CDK14: variants seen among roughly 807,000 people sequenced by gnomAD.
CDK14 encodes cyclin-dependent kinase 14.
Under a neutral mutation model 60.7 loss-of-function variants are expected in CDK14, and 34 were observed. The observed-to-expected ratio is 0.56, with a 90% CI of 0.43 to 0.75. The LOEUF is 0.75. CDK14 is among the 30% of genes least tolerant of loss of function. The probability of loss-of-function intolerance (pLI) is 0.00; values close to 1 mark genes in which losing one functional copy is unlikely to be tolerated. For synonymous variants in CDK14, 197 were observed against 203.7 expected (o/e 0.97, Z 0.28); for missense variants, 482 against 564.1 (o/e 0.85, Z 1.47).
intron 8 of CDK14, among the ~76,000 whole-genome samples, chr7:90,951,762 C>T (rs183018487): frequency 7.2e-4 from 110 of 152,276 alleles, no homozygotes; most frequent in African/African-American, 2.5e-3. Flanking sequence ...TAGTAAAGTG[C>T]ATTTGCTCCT....
intron 12 of CDK14, among the ~76,000 whole-genome samples, chr7:91,108,864 T>A (rs1799390176): frequency 6.6e-6 from 1 of 152,204 alleles, no homozygotes; most frequent in Non-Finnish European, 1.5e-5. Context: ...AGTCTTAAAG[T>A]TAATTTAATG....
chr7:91,117,999 TA>T (rs991987540), intron 13 of CDK14, 65 bp from the exon 14 acceptor site: 488 of 849,756 alleles, frequency 5.7e-4, no homozygotes, highest in South Asian at 1.7e-3. Context: ...TCCATTTTTT[TA>T]AAAAAAAAAC....
At chr7:90,639,597 G>T (rs972889341) in intron 2 of CDK14, among the ~76,000 whole-genome samples, 2 of 151,116 alleles carry the variant, frequency 1.3e-5, no homozygotes, top group Non-Finnish European at 2.9e-5. Flanking sequence ...CCCACTTGAG[G>T]AGGCAGTCTG....
At chr7:90,754,807 A>C (rs957575117) in intron 4 of CDK14, among the ~76,000 whole-genome samples, 1 of 152,142 alleles carries the variant, frequency 6.6e-6, no homozygotes, top group Non-Finnish European at 1.5e-5. Flanking sequence ...AGCAAAATAC[A>C]TGAACAGAAA....
intron 3 of CDK14, among the ~76,000 whole-genome samples, chr7:90,736,887 G>A (rs1273591607): frequency 1.3e-5 from 2 of 152,182 alleles, no homozygotes; most frequent in East Asian, 1.9e-4. Flanking sequence ...AAGGAACCAA[G>A]AATGCCTTGA....
intron 5 of CDK14, among the ~76,000 whole-genome samples, chr7:90,821,134 A>G (rs546539209): frequency 4.6e-5 from 7 of 152,208 alleles, no homozygotes; most frequent in African/African-American, 1.7e-4. Flanking sequence ...ATTCCTCTAC[A>G]TTCTGCTGCT....
intron 8 of CDK14, among the ~76,000 whole-genome samples, chr7:90,929,340 A>C (rs1275244269): frequency 6.6e-6 from 1 of 152,180 alleles, no homozygotes; most frequent in African/African-American, 2.4e-5. Context: ...GCCATCTTGG[A>C]ACCTCTGGAA....
At chr7:91,022,146 G>A (rs1233239281) in intron 10 of CDK14, among the ~76,000 whole-genome samples, 1 of 152,190 alleles carries the variant, frequency 6.6e-6, no homozygotes, top group East Asian at 1.9e-4. Context: ...CAGAGGCTGA[G>A]GGACTGTGTG....
intron 14 of CDK14, among the ~76,000 whole-genome samples, 177 bp downstream of exon 14, chr7:91,118,385 C>A (rs570865892): frequency 6.6e-6 from 1 of 152,166 alleles, no homozygotes. Context: ...TATTTTCAGG[C>A]ACCTACTAGA....
chr7:90,993,386 T>C (rs1795590966), intron 10 of CDK14, among the ~76,000 whole-genome samples: 1 of 151,962 alleles, frequency 6.6e-6, no homozygotes, highest in African/African-American at 2.4e-5. Flanking sequence ...TGAAAACCAG[T>C]ATATTTGTAA....
intron 2 of CDK14, among the ~76,000 whole-genome samples, chr7:90,676,945 A>AGT (rs1478989581): frequency 8.7e-6 from 1 of 114,622 alleles, no homozygotes; most frequent in African/African-American, 3.0e-5. Context: ...TTGTATATCA[A>AGT]GTTTTTTTTT....
chr7:91,122,031 C>T (rs150951860), intron 14 of CDK14, among the ~76,000 whole-genome samples: 1 of 152,136 alleles, frequency 6.6e-6, no homozygotes, highest in Non-Finnish European at 1.5e-5. Context: ...TAAGAAAGGT[C>T]TCTATTCTTT....
intron 14 of CDK14, among the ~76,000 whole-genome samples, chr7:91,145,385 T>C (rs1255655538): frequency 2.0e-5 from 3 of 152,190 alleles, no homozygotes; most frequent in African/African-American, 7.2e-5. Context: ...GCCTACAAGC[T>C]GTTCTATGCC....
At chr7:90,938,643 GA>G (rs1308079807) in intron 8 of CDK14, among the ~76,000 whole-genome samples, 1 of 152,136 alleles carries the variant, frequency 6.6e-6, no homozygotes. Context: ...GCTAATGTAA[GA>G]AAACTATTTT....
chr7:91,003,026 C>T, intron 10 of CDK14, among the ~76,000 whole-genome samples: 1 of 152,132 alleles, frequency 6.6e-6, no homozygotes, highest in South Asian at 2.1e-4. Flanking sequence ...GAGCCGAGAT[C>T]ACGCCACTGC....
At chr7:90,806,308 AT>A (rs1291239791) in intron 5 of CDK14, among the ~76,000 whole-genome samples, 1 of 152,204 alleles carries the variant, frequency 6.6e-6, no homozygotes, top group Non-Finnish European at 1.5e-5. Flanking sequence ...AAAAGACACC[AT>A]TAAAGAAATG....
chr7:91,152,158 C>T (rs941548521), intron 14 of CDK14, among the ~76,000 whole-genome samples: 1 of 152,110 alleles, frequency 6.6e-6, no homozygotes, highest in Non-Finnish European at 1.5e-5. Context: ...TCTTGTGAAT[C>T]GTGGTATGAT....
At chr7:90,747,884 T>C (rs2116809994) in intron 4 of CDK14, 109 bp downstream of exon 4, 1 of 352,394 alleles carries the variant, frequency 2.8e-6, no homozygotes, top group Admixed American at 5.2e-5. Context: ...TAGATTTTCC[T>C]CCCTCACGGT....
chr7:91,115,379 A>G (rs961874652), intron 13 of CDK14, among the ~76,000 whole-genome samples: 15 of 152,038 alleles, frequency 9.9e-5, no homozygotes, highest in African/African-American at 3.1e-4. Flanking sequence ...GGAGAGAGCA[A>G]TCTCTTCCTC....
Sources: gnomAD v4.1 joint callset for allele counts (sites outside exome capture counted in the v4.1 genomes callset) on GRCh38, gnomAD v4.1.1 for gene constraint, MANE v1.5 for transcripts, NCBI Gene and HGNC (gene_info 2026-07-23, HGNC 2026-07-21) for gene names.